ARHGEF18: variants seen among roughly 807,000 people sequenced by gnomAD.
ARHGEF18 encodes rho guanine nucleotide exchange factor 18.
ARHGEF18 carries 93 observed loss-of-function variants against 155.7 expected under a neutral mutation model. The observed-to-expected ratio is 0.60, with a 90% confidence interval of 0.50 to 0.71. ARHGEF18 has a LOEUF of 0.71. Ranked by LOEUF, ARHGEF18 falls within the 30% of genes least tolerant of loss-of-function variation. The pLI is 0.00. For synonymous variants in ARHGEF18, 742 were observed against 753.1 expected (o/e 0.99, Z 0.24); for missense variants, 1,593 against 1,816.1 (o/e 0.88, Z 2.23).
At chr19:7,375,226 C>T (rs1487487695) in intron 3 of ARHGEF18, among the ~76,000 whole-genome samples, 8 of 142,756 alleles carry the variant, frequency 5.6e-5, no homozygotes, top group Non-Finnish European at 9.0e-5. Flanking sequence ...GAGCTGCGAT[C>T]GTGCCACTGC....
intron 7 of ARHGEF18, among the ~76,000 whole-genome samples, chr19:7,380,258 C>T (rs1685289611): frequency 6.6e-6 from 1 of 151,804 alleles, no homozygotes; most frequent in Non-Finnish European, 1.5e-5. Context: ...GCGGGCGGAT[C>T]ACGAGGTCAG....
At chr19:7,414,901 A>C (rs1004516120) in intron 10 of ARHGEF18, among the ~76,000 whole-genome samples, 5 of 152,156 alleles carry the variant, frequency 3.3e-5, no homozygotes, top group African/African-American at 9.7e-5. Context: ...TGGCTGAGGC[A>C]AGAGGATCAT....
intron 10 of ARHGEF18, among the ~76,000 whole-genome samples, chr19:7,410,162 G>A (rs1972590480): frequency 6.6e-6 from 1 of 151,950 alleles, no homozygotes; most frequent in South Asian, 2.1e-4. Context: ...CAGTGCCCTT[G>A]AATACTTTCC....
chr19:7,395,068 C>G lies in ARHGEF18; in HGVS notation c.967+11865C>G, dbSNP rs1237280681. On this transcript the variant is annotated intron_variant, in intron 10 of 28. Coordinates refer to ENST00000668164, the MANE Select transcript of ARHGEF18 (RefSeq NM_001367823.1). This position sits in a 1 kb window ranked among gnomAD's most constrained non-coding sequence, Gnocchi z 5.0. ...AGGGCACGCCTCCTTCCGGGTCACG[C>G]CCTCTGCCCCGCCTCCGAGGCGGGA... The G allele has an allele frequency of 1.6e-5, 16 of 985,400 alleles. No individual in the cohort carries two copies. Among genetic ancestry groups the G allele is most frequent in the South Asian group, 4.7e-5 (1 of 21,304 alleles). The allele number at this position is 985,400 out of a possible 1,614,324, so 61.0% of individuals were successfully genotyped here.
intron 5 of ARHGEF18, among the ~76,000 whole-genome samples, chr19:7,377,753 G>A (rs56022401): frequency 0.24 from 35,326 of 147,006 alleles, 4,386 homozygotes; most frequent in Admixed American, 0.27. Flanking sequence ...GCAGGACTGC[G>A]CTCCGCTCTG....
chr19:7,457,794 G>T (rs1367417001), intron 18 of ARHGEF18, among the ~76,000 whole-genome samples: 5 of 152,022 alleles, frequency 3.3e-5, no homozygotes, highest in Admixed American at 3.3e-4. Flanking sequence ...GCATTTTGCT[G>T]GTCTGTGGAA....
intron 18 of ARHGEF18, among the ~76,000 whole-genome samples, chr19:7,458,296 TTAAAAAAAAAA>T (rs945177034): frequency 3.6e-5 from 4 of 110,032 alleles, no homozygotes; most frequent in Admixed American, 1.0e-4. Context: ...CCAAGATAGT[TTAAAAAAAAAA>T]AAAAAAAAAA....
intron 20 of ARHGEF18, 130 bp downstream of exon 20, chr19:7,460,124 G>A (rs1216815666): frequency 1.2e-6 from 1 of 859,188 alleles, no homozygotes; most frequent in Non-Finnish European, 1.8e-6. Context: ...GCCATGTCCT[G>A]CAGCTCTGTG....
intron 23 of ARHGEF18, 113 bp from the exon 24 acceptor site, chr19:7,466,805 A>C: frequency 5.5e-6 from 1 of 182,940 alleles, no homozygotes; most frequent in Non-Finnish European, 8.0e-6. Flanking sequence ...ATTCCGTCTC[A>C]AAAAAAAAAA....
chr19:7,470,516 CTT>C lies in ARHGEF18; in HGVS notation c.*230_*231del, dbSNP rs72215888. 1,258 of 343,342 alleles carry C rather than the reference CTT, an allele frequency of 3.7e-3. 4 individuals carry two copies. Among genetic ancestry groups the C allele is most frequent in the Middle Eastern group, 0.011 (15 of 1,316 alleles). 21.3% of individuals were successfully genotyped at this position (343,342 alleles called of 1,614,324 possible). On this transcript the variant is annotated 3_prime_UTR_variant, in exon 29 of 29. Coordinates refer to ENST00000668164, the MANE Select transcript of ARHGEF18 (RefSeq NM_001367823.1). The surrounding 1 kb of genome is among the most constrained non-coding windows in gnomAD (Gnocchi z 5.9). ...GGTGCCGGGGTCACTTTCTGAATCTCTTTTTTTTTTTTTCAAAAAGGAAAGTT... is the reference window on the plus strand; with the variant it reads ...GGTGCCGGGGTCACTTTCTGAATCTCTTTTTTTTTTTCAAAAAGGAAAGTT...
rs984814676 is a variant in ARHGEF18, at chr19:7,373,029, G to A, written c.233G>A (p.Arg78His). The change falls in exon 3 of 29, where the codon CGC (arginine) becomes CAC (histidine). Residue 78 changes from arginine (R) to histidine (H), a missense_variant. Transcript: ENST00000668164. ...GGGTCCCAAGACCTGTCAAGGCGGC[G>A]CAGCTGGGAAAGGTCGCGGAGCTGC... ...LAGSQDLSRR[R>H]SWERSRSCSE... 3.6e-5 allele frequency: 45 copies of A among 1,234,306 alleles called. No homozygotes were observed. Among genetic ancestry groups the A allele is most frequent in the South Asian group, 4.1e-5 (1 of 24,422 alleles). The allele number at this position is 1,234,306 out of a possible 1,614,324, so 76.5% of individuals were successfully genotyped here.
intron 1 of ARHGEF18, among the ~76,000 whole-genome samples, chr19:7,355,411 C>T (rs1012197870): frequency 6.6e-5 from 10 of 152,172 alleles, no homozygotes; most frequent in Admixed American, 5.9e-4. Context: ...GTTTAAGGGA[C>T]AGAGGGTGCT....
chr19:7,445,503 C>G (rs923693238), intron 14 of ARHGEF18, among the ~76,000 whole-genome samples: 2 of 152,120 alleles, frequency 1.3e-5, no homozygotes, highest in Non-Finnish European at 2.9e-5. Flanking sequence ...GTGGTATTAA[C>G]CCCAAATGAT....
At chr19:7,412,942 T>C (rs537510034) in intron 10 of ARHGEF18, among the ~76,000 whole-genome samples, 1 of 152,188 alleles carries the variant, frequency 6.6e-6, no homozygotes, top group Admixed American at 6.6e-5. Context: ...TTTTTTATTG[T>C]TGAGTTGGAG....
chr19:7,440,474 G>A lies in ARHGEF18; in HGVS notation c.1098G>A (p.Thr366=), dbSNP rs1377625646. 3 of 1,597,234 alleles carry A rather than the reference G, an allele frequency of 1.9e-6. No homozygotes were observed. Among genetic ancestry groups the A allele is most frequent in the Middle Eastern group, 1.7e-4 (1 of 6,010 alleles). The change falls in exon 11 of 29, where the codon ACG becomes ACA. Residue 366 remains threonine (T), a synonymous_variant. Transcript: ENST00000668164. The surrounding 1 kb of genome is among the most constrained non-coding windows in gnomAD (Gnocchi z 5.4). ...QPTPSPAGPG[T]QLGPITGEMD... ...CACCGAGCCCGGCTGGCCCTGGGAC[G>A]CAACTCGGGTAAGCCAGGGTCCCCT...
At chr19:7,400,297 A>G (rs1026764961) in intron 10 of ARHGEF18, among the ~76,000 whole-genome samples, 1 of 152,154 alleles carries the variant, frequency 6.6e-6, no homozygotes, top group African/African-American at 2.4e-5. Flanking sequence ...AGCAACAGTC[A>G]TCAGTATTTA....
chr19:7,459,818 GC>G, intron 19 of ARHGEF18, 84 bp from the exon 20 acceptor site: 1 of 1,136,986 alleles, frequency 8.8e-7, no homozygotes, highest in Non-Finnish European at 1.2e-6. Flanking sequence ...GACGGTCGTG[GC>G]GGCTGGTTCT....
At chr19:7,464,802 T>C (rs1280261323) in intron 23 of ARHGEF18, 112 bp downstream of exon 23, 2 of 1,391,830 alleles carry the variant, frequency 1.4e-6, no homozygotes, top group East Asian at 5.0e-5. Context: ...TCGACAAGCA[T>C]TGTTTGTTTT....
At chr19:7,422,566 C>T (rs1973418664) in intron 10 of ARHGEF18, among the ~76,000 whole-genome samples, 1 of 151,978 alleles carries the variant, frequency 6.6e-6, no homozygotes, top group Non-Finnish European at 1.5e-5. Context: ...GACTCACCTT[C>T]CTCCTCAGGC....
Sources: gnomAD v4.1 joint callset for allele counts (sites outside exome capture counted in the v4.1 genomes callset) on GRCh38, gnomAD v4.1.1 for gene constraint, Gnocchi (gnomAD v3.1) non-coding constraint, MANE v1.5 for transcripts, NCBI Gene and HGNC (gene_info 2026-07-23, HGNC 2026-07-21) for gene names.